CACNG4: variants seen among roughly 807,000 people sequenced by gnomAD.
CACNG4 encodes voltage-dependent calcium channel gamma-4 subunit.
CACNG4 carries 8 observed loss-of-function variants against 22.9 expected under a neutral mutation model. That is an observed-to-expected ratio of 0.35 (90% CI 0.21 to 0.63). The LOEUF (loss-of-function observed/expected upper bound fraction) is 0.63. Ranked by LOEUF, CACNG4 falls within the 30% of genes least tolerant of loss-of-function variation. The pLI is 0.72. For missense variants in CACNG4, 357 were observed against 455.4 expected, an observed-to-expected ratio of 0.78 and a Z score of 1.97; for synonymous variants, 188 against 191.9, an observed-to-expected ratio of 0.98 and a Z score of 0.17.
intron 1 of CACNG4, among the ~76,000 whole-genome samples, chr17:66,983,970 A>G (rs2035291227): frequency 1.3e-5 from 2 of 152,250 alleles, no homozygotes; most frequent in South Asian, 4.1e-4. Flanking sequence ...GGGAGGGTGC[A>G]AGGTGTGTGA....
chr17:66,966,457 A>T (rs976270141), intron 1 of CACNG4, among the ~76,000 whole-genome samples: 1 of 149,644 alleles, frequency 6.7e-6, no homozygotes, highest in African/African-American at 2.5e-5. Context: ...TGCAGTTCCA[A>T]CCCCTGCACA....
intron 1 of CACNG4, among the ~76,000 whole-genome samples, chr17:66,986,687 G>A (rs1386860903): frequency 6.6e-6 from 1 of 152,242 alleles, no homozygotes; most frequent in African/African-American, 2.4e-5. Flanking sequence ...AATTTACAGA[G>A]AGAATTTAGC....
At chr17:66,986,278 G>T (rs904789135) in intron 1 of CACNG4, among the ~76,000 whole-genome samples, 2 of 152,240 alleles carry the variant, frequency 1.3e-5, no homozygotes, top group African/African-American at 4.8e-5. Flanking sequence ...TGGGTTGAGG[G>T]TCTCACCAAG....
intron 1 of CACNG4, among the ~76,000 whole-genome samples, chr17:66,986,155 T>A (rs1455591253): frequency 1.3e-5 from 2 of 152,134 alleles, no homozygotes; most frequent in Non-Finnish European, 2.9e-5. Context: ...AAGCCTCTTA[T>A]GAGAGGAGGC....
chr17:66,971,008 C>A (rs1331844117), intron 1 of CACNG4, among the ~76,000 whole-genome samples: 3 of 152,204 alleles, frequency 2.0e-5, no homozygotes, highest in Non-Finnish European at 2.9e-5. Context: ...GGTCACCAGA[C>A]CCTGAGTGTC....
At chr17:67,022,076 CTT>C (rs58541858) in intron 2 of CACNG4, among the ~76,000 whole-genome samples, 6 of 136,962 alleles carry the variant, frequency 4.4e-5, no homozygotes, top group Non-Finnish European at 4.7e-5. Flanking sequence ...AGCAACTGGG[CTT>C]TTTTTTTTTT....
At chr17:66,986,581 G>A (rs903555405) in intron 1 of CACNG4, among the ~76,000 whole-genome samples, 6 of 152,234 alleles carry the variant, frequency 3.9e-5, no homozygotes, top group Non-Finnish European at 7.4e-5. Flanking sequence ...TGAGTGAGGC[G>A]GATAAGTCCA....
At chr17:67,024,760 G>A in intron 2 of CACNG4, 100 bp from the exon 3 acceptor site, 1 of 1,272,852 alleles carries the variant, frequency 7.9e-7, no homozygotes, top group African/African-American at 1.5e-5. Flanking sequence ...CTGGGGAAGG[G>A]CCTGGAGCTG....
chr17:66,996,024 G>T (rs79350067), intron 1 of CACNG4, among the ~76,000 whole-genome samples: 2 of 152,086 alleles, frequency 1.3e-5, no homozygotes, highest in Non-Finnish European at 2.9e-5. Context: ...AGTGTGGCCC[G>T]TTGGATTCGC....
intron 1 of CACNG4, among the ~76,000 whole-genome samples, chr17:66,966,001 G>C (rs945104211): frequency 1.3e-5 from 2 of 152,170 alleles, no homozygotes; most frequent in South Asian, 4.1e-4. Flanking sequence ...GAGGGGCGTG[G>C]TCATCTCGTC....
At chr17:67,016,243 G>A (rs1042108084) in intron 1 of CACNG4, among the ~76,000 whole-genome samples, 4 of 152,258 alleles carry the variant, frequency 2.6e-5, no homozygotes, top group East Asian at 1.9e-4. Context: ...TGAGGAGACC[G>A]AGGAGTTAAT....
intron 1 of CACNG4, among the ~76,000 whole-genome samples, chr17:66,981,655 C>T (rs191354744): frequency 3.3e-5 from 5 of 152,262 alleles, no homozygotes; most frequent in Non-Finnish European, 7.4e-5. Flanking sequence ...GGTGCTCAGG[C>T]GAGCCCGGCA....
In CACNG4 at chr17:67,031,024, C is replaced by A. The variant is rs375156934; in HGVS notation, c.*20C>A. On this transcript the variant is annotated 3_prime_UTR_variant, in exon 4 of 4. Transcript: ENST00000262138. The surrounding 1 kb of genome is among the most constrained non-coding windows in gnomAD (Gnocchi z 4.0). ...GTGTGAGCCGCCTGCCCTTTCTCTC[C>A]GCTCCAGCCTCTCCCCAGAACGGCT... 74 of 1,597,248 alleles carry A rather than the reference C, an allele frequency of 4.6e-5. No homozygotes were observed. The highest frequency in any genetic ancestry group is 6.8e-5 in the Admixed American group (4 of 58,976).
chr17:66,983,243 C>T (rs1405449733), intron 1 of CACNG4, among the ~76,000 whole-genome samples: 1 of 152,240 alleles, frequency 6.6e-6, no homozygotes, highest in Non-Finnish European at 1.5e-5. Flanking sequence ...TGACACCCCC[C>T]AGCACCTGCA....
chr17:66,994,417 T>C (rs1197310650), intron 1 of CACNG4, among the ~76,000 whole-genome samples: 1 of 151,264 alleles, frequency 6.6e-6, no homozygotes, highest in Non-Finnish European at 1.5e-5. Context: ...GGACCTCGCG[T>C]GTTTGCCTTG....
rs118029890 is a variant in CACNG4, at chr17:66,981,915, C to G, written c.220+16784C>G. On this transcript the variant is annotated intron_variant, in intron 1 of 3. Transcript: ENST00000262138. The stretch of plus-strand genomic sequence containing the variant: ...TAATCAGATTTCAGGTATATTATTG[C>G]AGAAAGAGAGCTAACTCTTATAAAA... Among the ~76,000 whole-genome samples, 491 of 152,150 alleles carry G rather than the reference C, an allele frequency of 3.2e-3. 24 individuals are homozygous for G. The East Asian group carries it at 0.073, about 23-fold the overall frequency.
At chr17:66,999,675 A>G (rs188165113) in intron 1 of CACNG4, among the ~76,000 whole-genome samples, 1 of 152,176 alleles carries the variant, frequency 6.6e-6, no homozygotes, top group East Asian at 1.9e-4. Context: ...CCCATGATCC[A>G]ATCACCTCCC....
At chr17:66,977,220 C>T (rs1312514768) in intron 1 of CACNG4, among the ~76,000 whole-genome samples, 1 of 152,218 alleles carries the variant, frequency 6.6e-6, no homozygotes, top group African/African-American at 2.4e-5. Context: ...AACCAGATCA[C>T]ATCATTCCCC....
chr17:67,017,822 T>G (rs2035508777), intron 1 of CACNG4, among the ~76,000 whole-genome samples: 1 of 152,138 alleles, frequency 6.6e-6, no homozygotes, highest in African/African-American at 2.4e-5. Flanking sequence ...AGCCTGTTTT[T>G]TATTTTTTTC....
Sources: gnomAD v4.1 joint callset for allele counts (sites outside exome capture counted in the v4.1 genomes callset) on GRCh38, gnomAD v4.1.1 for gene constraint, Gnocchi (gnomAD v3.1) non-coding constraint, MANE v1.5 for transcripts, NCBI Gene and HGNC (gene_info 2026-07-23, HGNC 2026-07-21) for gene names.